PAGE2B: variants seen among roughly 807,000 people sequenced by gnomAD.
PAGE2B encodes the protein PAGE family member 2B, also known as putative G antigen family E member 3.
In PAGE2B, 5 loss-of-function variants were observed where a neutral mutation model predicts 7.6. The observed-to-expected ratio is 0.66, with a 90% CI of 0.34 to 1.38. PAGE2B has a LOEUF of 1.38. PAGE2B is among the 40% of genes most tolerant of loss of function. PAGE2B has a pLI of 0.04. For synonymous variants in PAGE2B, 29 were observed against 26.7 expected (o/e 1.09, Z -0.27); for missense variants, 70 against 78.4 (o/e 0.89, Z 0.41).
intron 1 of PAGE2B, among the ~76,000 whole-genome samples, 153 bp from the exon 2 acceptor site, chrX:55,075,881 T>C (rs1443412355): frequency 8.9e-6 from 1 of 111,817 alleles, no homozygotes; most frequent in Non-Finnish European, 1.9e-5. Flanking sequence ...CTTAGTTTGA[T>C]TGGAAAGCGT....
the PAGE2B span, among the ~76,000 whole-genome samples, chrX:55,033,562 C>G: frequency 8.9e-6 from 1 of 111,805 alleles, no homozygotes; most frequent in Non-Finnish European, 1.9e-5. Context: ...TTTCCTGGCC[C>G]TTCTCTACAT....
chrX:55,071,516 C>A (rs147719072), upstream of PAGE2B, among the ~76,000 whole-genome samples: 7,611 of 110,920 alleles, frequency 0.069, 611 homozygotes, highest in African/African-American at 0.23. Context: ...TGAATCTGAC[C>A]ATTGTGTGTC....
the PAGE2B span, among the ~76,000 whole-genome samples, chrX:55,047,095 C>A: frequency 9.2e-6 from 1 of 108,802 alleles, no homozygotes; most frequent in Non-Finnish European, 1.9e-5. Context: ...CATCCCACAA[C>A]AGGCCCCGGT....
At chrX:55,068,394 C>G in the PAGE2B span, among the ~76,000 whole-genome samples, 1 of 111,409 alleles carries the variant, frequency 9.0e-6, no homozygotes, top group Non-Finnish European at 1.9e-5. Flanking sequence ...TTGCATTGGT[C>G]TATATATCTG....
the PAGE2B span, among the ~76,000 whole-genome samples, chrX:55,034,667 A>G: frequency 9.1e-6 from 1 of 109,439 alleles, no homozygotes; most frequent in Non-Finnish European, 1.9e-5. Context: ...ATATCTTCCT[A>G]TTAGGAGAAT....
upstream of PAGE2B, among the ~76,000 whole-genome samples, chrX:55,073,090 G>A (rs1217770142): frequency 1.1e-4 from 12 of 111,145 alleles, no homozygotes; most frequent in East Asian, 2.8e-4. Flanking sequence ...GTGTCACACC[G>A]GGTTCCAGGT....
the PAGE2B span, among the ~76,000 whole-genome samples, chrX:55,060,887 T>G: frequency 1.8e-5 from 2 of 111,394 alleles, no homozygotes; most frequent in Non-Finnish European, 3.8e-5. Flanking sequence ...TATTCCTGAC[T>G]AGGCTAAGAC....
the PAGE2B span, among the ~76,000 whole-genome samples, chrX:55,046,678 A>AATACTT: frequency 4.0e-4 from 45 of 111,785 alleles, no homozygotes; most frequent in South Asian, 0.017. Flanking sequence ...GATCTTGTAA[A>AATACTT]ATACTTTGTT....
chrX:55,071,164 G>GT (rs914638899), upstream of PAGE2B, among the ~76,000 whole-genome samples: 9 of 109,204 alleles, frequency 8.2e-5, no homozygotes, highest in South Asian at 3.8e-4. Context: ...TTGTTTGTTT[G>GT]TTTTTTTTGC....
the PAGE2B span, among the ~76,000 whole-genome samples, chrX:55,053,530 A>G: frequency 8.9e-6 from 1 of 112,194 alleles, no homozygotes; most frequent in Non-Finnish European, 1.9e-5. Flanking sequence ...TTAAAATAAA[A>G]TTTTAAAAAA....
At chrX:55,058,158 C>T in the PAGE2B span, among the ~76,000 whole-genome samples, 2 of 110,622 alleles carry the variant, frequency 1.8e-5, no homozygotes, top group South Asian at 3.8e-4. Flanking sequence ...GATGTCAACT[C>T]GGTTGTAATA....
At chrX:55,067,426 G>A in the PAGE2B span, among the ~76,000 whole-genome samples, 1 of 111,800 alleles carries the variant, frequency 8.9e-6, no homozygotes, top group Admixed American at 9.5e-5. Flanking sequence ...GTGTACATGT[G>A]CCACATTTTC....
At chrX:55,051,971 G>A in the PAGE2B span, among the ~76,000 whole-genome samples, 2 of 111,511 alleles carry the variant, frequency 1.8e-5, no homozygotes, top group Non-Finnish European at 3.8e-5. Flanking sequence ...TGATGGTGAC[G>A]TACAGATGGG....
At chrX:55,039,484 CT>C in the PAGE2B span, among the ~76,000 whole-genome samples, 442 of 95,500 alleles carry the variant, frequency 4.6e-3, 1 homozygote, top group Middle Eastern at 5.5e-3. Flanking sequence ...GAAGAAAATT[CT>C]TTTTTTTTTT....
chrX:55,071,172 T>C (rs762363955), upstream of PAGE2B, among the ~76,000 whole-genome samples: 1 of 111,818 alleles, frequency 8.9e-6, no homozygotes, highest in Admixed American at 9.5e-5. Context: ...TTGTTTTTTT[T>C]GCAGTAGCTG....
At chrX:55,053,528 A>T in the PAGE2B span, among the ~76,000 whole-genome samples, 1 of 112,184 alleles carries the variant, frequency 8.9e-6, no homozygotes, top group South Asian at 3.7e-4. Context: ...ACTTAAAATA[A>T]AATTTTAAAA....
chrX:55,036,131 G>A, the PAGE2B span, among the ~76,000 whole-genome samples: 1 of 112,009 alleles, frequency 8.9e-6, no homozygotes, highest in Non-Finnish European at 1.9e-5. Flanking sequence ...GAATGCTTGT[G>A]ATTTTTACAC....
At chrX:55,031,176 A>G in the PAGE2B span, 5 of 193,264 alleles carry the variant, frequency 2.6e-5, no homozygotes, top group Admixed American at 2.6e-4. Context: ...TCTTCTCTCT[A>G]TAGGACAGTA....
chrX:55,048,959 T>C, the PAGE2B span, among the ~76,000 whole-genome samples: 3 of 111,962 alleles, frequency 2.7e-5, no homozygotes, highest in Non-Finnish European at 5.6e-5. Flanking sequence ...AGATAGCTCT[T>C]ATTATTTTGA....
Sources: allele counts gnomAD v4.1 joint callset (sites outside exome capture counted in the v4.1 genomes callset), GRCh38; gene constraint gnomAD v4.1.1; transcripts MANE v1.5; gene names NCBI Gene and HGNC (gene_info 2026-07-23, HGNC 2026-07-21).